The following SAXO2 variants were observed in gnomAD, a reference collection of about 807,000 sequenced individuals.
SAXO2 encodes stabilizer of axonemal microtubules 2.
SAXO2 carries 17 observed loss-of-function variants against 18.7 expected under a neutral mutation model. The ratio of observed to expected loss-of-function variants is 0.91; its 90% confidence interval spans 0.62 to 1.36. SAXO2 has a LOEUF of 1.36. Among genes scored for constraint, SAXO2 ranks in the 40% most tolerant of loss-of-function variants. The pLI is 0.00. For synonymous variants in SAXO2, 163 were observed against 181.2 expected (o/e 0.90, Z 0.81); for missense variants, 486 against 562.6 (o/e 0.86, Z 1.38).
Position 82,271,599 on chromosome 15 carries a change from T to G in SAXO2, c.234-4T>G, listed in dbSNP as rs1197041444. On this transcript the variant is annotated splice_polypyrimidine_tract_variant and splice_region_variant and intron_variant, in intron 2 of 3. Transcript: ENST00000682753. ...AGGCTATGTTTCAAATTTATATATTTCAGGTCGGATTATTGTCCTTATGAA... is the reference window on the plus strand; with the variant it reads ...AGGCTATGTTTCAAATTTATATATTGCAGGTCGGATTATTGTCCTTATGAA... The G allele has an allele frequency of 6.2e-7, 1 of 1,601,736 alleles. No individual in the cohort carries two copies. The highest frequency in any genetic ancestry group is 1.3e-5 in the African/African-American group (1 of 74,328).
chr15:82,273,171 G>T (rs1193932673), intron 3 of SAXO2, among the ~76,000 whole-genome samples: 4 of 152,032 alleles, frequency 2.6e-5, no homozygotes, highest in Non-Finnish European at 5.9e-5. Flanking sequence ...CTCCCAAACT[G>T]CTGGGATTAC....
At chr15:82,271,886 G>A in intron 3 of SAXO2, 84 bp downstream of exon 3, 1 of 1,212,020 alleles carries the variant, frequency 8.3e-7, no homozygotes, top group Non-Finnish European at 1.2e-6. Flanking sequence ...TTATAACTTT[G>A]GTGTGCTGCC....
rs570977928 is a variant in SAXO2, at chr15:82,272,699, G to A, written c.433+897G>A. Among the ~76,000 whole-genome samples the A allele has an allele frequency of 3.3e-5, 5 of 151,850 alleles. No homozygotes were observed. The East Asian group carries it at 5.8e-4, about 18-fold the overall frequency. On this transcript the variant is annotated intron_variant, in intron 3 of 3. Transcript: ENST00000682753. ...TGGGATTACAGGTGCACACCACCAC[G>A]CCCAGCTAATTTTTTGTATTTTTAG...
chr15:82,262,925 A>T lies in SAXO2; in HGVS notation c.46A>T (p.Ser16Cys). The T allele has an allele frequency of 6.2e-7, 1 of 1,604,458 alleles. No homozygotes were observed. Among genetic ancestry groups the T allele is most frequent in the Non-Finnish European group, 8.5e-7 (1 of 1,175,472 alleles). ...MRSWCLCQIC[S>C]CGRHHCPRGT... Reference sequence around the variant, plus strand: ...GAGCTGGTGTCTGTGTCAGATTTGTAGCTGCGGGTAAGAAACGGCTGGTGT... The same window carrying T: ...GAGCTGGTGTCTGTGTCAGATTTGTTGCTGCGGGTAAGAAACGGCTGGTGT... Residue 16 changes from serine (S) to cysteine (C), a missense_variant, in exon 1 of 4, where the codon AGC (serine) becomes TGC (cysteine). Ser to Cys is a moderately radical substitution (Grantham distance 112, BLOSUM62 -1). Coordinates refer to ENST00000682753, the MANE Select transcript of SAXO2 (RefSeq NM_001348699.2).
At chr15:82,264,469 C>T (rs1271076793) in intron 1 of SAXO2, among the ~76,000 whole-genome samples, 1 of 151,862 alleles carries the variant, frequency 6.6e-6, no homozygotes, top group Admixed American at 6.6e-5. Context: ...AATGATCATG[C>T]ATAAAGACCA....
intron 3 of SAXO2, among the ~76,000 whole-genome samples, chr15:82,278,115 G>C (rs1480231162): frequency 6.6e-6 from 1 of 152,146 alleles, no homozygotes; most frequent in East Asian, 1.9e-4. Context: ...ACAACCCCAA[G>C]GAATAGGTGA....
intron 3 of SAXO2, among the ~76,000 whole-genome samples, chr15:82,272,528 T>TTTG (rs566732180): frequency 3.4e-4 from 51 of 152,166 alleles, no homozygotes; most frequent in African/African-American, 9.4e-4. Flanking sequence ...AACCTGTTTT[T>TTTG]TTGTTGTTGT....
intron 1 of SAXO2, among the ~76,000 whole-genome samples, chr15:82,264,157 G>A (rs530806277): frequency 4.2e-5 from 6 of 141,588 alleles, no homozygotes; most frequent in East Asian, 2.2e-4. Flanking sequence ...TGCAATCTCC[G>A]CCTCCCGGGT....
intron 2 of SAXO2, among the ~76,000 whole-genome samples, chr15:82,270,503 T>C (rs572864773): frequency 8.9e-4 from 136 of 152,234 alleles, no homozygotes; most frequent in African/African-American, 2.6e-3. Flanking sequence ...TGGATTGAAG[T>C]GGGTGAGAAA....
At position 82,265,132 on chromosome 15, in the gene SAXO2, T is replaced by G. The variant is rs184874445; in HGVS notation, c.54-437T>G. 6.6e-3 allele frequency among the ~76,000 whole-genome samples: 1,011 copies of G among 152,232 alleles called. 11 individuals are homozygous for G. The highest frequency in any genetic ancestry group is 0.023 in the African/African-American group (945 of 41,542). On this transcript the variant is annotated intron_variant, in intron 1 of 3. Coordinates refer to ENST00000682753, the MANE Select transcript of SAXO2 (RefSeq NM_001348699.2). ...ACACCATTACAGAGGAAACAGTTTT[T>G]GGGGGTTTTTTTGTTTTTAGTTTTT...
intron 1 of SAXO2, chr15:82,263,306 A>AGT (rs1015330033): frequency 1.7e-6 from 2 of 1,179,036 alleles, no homozygotes; most frequent in African/African-American, 3.0e-5. Context: ...GAGAAAGAAC[A>AGT]GTGCTCAAGG....
chr15:82,282,456 ACT>A lies in SAXO2; in HGVS notation c.774_775del (p.Cys259GlnfsTer14), dbSNP rs1202096343. The A allele has an allele frequency of 6.2e-7, 1 of 1,613,902 alleles. No homozygotes were observed. Among genetic ancestry groups the A allele is most frequent in the East Asian group, 2.2e-5 (1 of 44,880 alleles). On this transcript the variant is annotated frameshift_variant, in exon 4 of 4. Transcript: ENST00000682753. LOFTEE classifies it low-confidence loss of function (END_TRUNC). ...AGGGTCTCATTGGTGAAACTGCAAA[ACT>A]CTGCAGACCTGTACACACCAGAGTG... ...FQGLIGETAK[L>X]CRPVHTRVTQ...
In SAXO2 at chr15:82,283,110, C is replaced by A; in HGVS notation, c.*48C>A. 1 of 1,288,748 alleles carries A rather than the reference C, an allele frequency of 7.8e-7. No individual in the cohort carries two copies. Among genetic ancestry groups the A allele is most frequent in the Non-Finnish European group, 1.0e-6 (1 of 992,796 alleles). The allele number at this position is 1,288,748 out of a possible 1,614,324, so 79.8% of individuals were successfully genotyped here. ...AAGGTACTAGCAAGTTGTTGTTTTT[C>A]CAAGAGAAAACTCAATTTTTATAGT... On this transcript the variant is annotated 3_prime_UTR_variant, in exon 4 of 4. Coordinates refer to ENST00000682753, the MANE Select transcript of SAXO2 (RefSeq NM_001348699.2).
intron 3 of SAXO2, among the ~76,000 whole-genome samples, chr15:82,281,431 T>C (rs1439091426): frequency 6.6e-6 from 1 of 152,020 alleles, no homozygotes. Flanking sequence ...CAAACACCTC[T>C]GAAGACATTC....
Position 82,284,089 on chromosome 15 carries a change from T to C in SAXO2, c.*1027T>C, listed in dbSNP as rs2075390917. ...GTCTGTTCTCAAAAAGAGTTTGTTT[T>C]GAGCATCAGACTGTATGGTACATTT... On this transcript the variant is annotated 3_prime_UTR_variant, in exon 4 of 4. Coordinates refer to ENST00000682753, the MANE Select transcript of SAXO2 (RefSeq NM_001348699.2). 6.6e-6 allele frequency: 1 copy of C among 152,258 alleles called. No individual in the cohort carries two copies. The highest frequency in any genetic ancestry group is 1.5e-5 in the Non-Finnish European group (1 of 68,040). The allele number at this position is 152,258 out of a possible 1,614,324, so 9.4% of individuals were successfully genotyped here.
Position 82,283,170 on chromosome 15 carries a change from AT to A in SAXO2, c.*113del. The A allele has an allele frequency of 2.8e-6, 2 of 726,958 alleles. No individual in the cohort carries two copies. Among genetic ancestry groups the A allele is most frequent in the Non-Finnish European group, 3.9e-6 (2 of 511,126 alleles). The allele number at this position is 726,958 out of a possible 1,614,324, so 45.0% of individuals were successfully genotyped here. Reference sequence around the variant, plus strand: ...TATGATATAATAAATCATTTTTTATATTTTTAAACAAGAAAATTGGAAAATA... The same window carrying A: ...TATGATATAATAAATCATTTTTTATATTTTAAACAAGAAAATTGGAAAATA... On this transcript the variant is annotated 3_prime_UTR_variant, in exon 4 of 4. Transcript: ENST00000682753.
intron 3 of SAXO2, among the ~76,000 whole-genome samples, chr15:82,280,670 G>T (rs1056255119): frequency 6.6e-6 from 1 of 151,958 alleles, no homozygotes; most frequent in African/African-American, 2.4e-5. Flanking sequence ...TTTACTAACT[G>T]GCCACCTCTG....
In SAXO2 at chr15:82,283,823, C is replaced by T. The variant is rs1055557095; in HGVS notation, c.*761C>T. 12 of 152,206 alleles carry T rather than the reference C, an allele frequency of 7.9e-5. No individual in the cohort carries two copies. Among genetic ancestry groups the T allele is most frequent in the African/African-American group, 2.9e-4 (12 of 41,422 alleles). The allele number at this position is 152,206 out of a possible 1,614,324, so 9.4% of individuals were successfully genotyped here. On this transcript the variant is annotated 3_prime_UTR_variant, in exon 4 of 4. Transcript: ENST00000682753. ...GGGACTACAAGGGTGTGCCACCACACCTGGCTATTTTTTTTAAACATACTT... is the reference window on the plus strand; with the variant it reads ...GGGACTACAAGGGTGTGCCACCACATCTGGCTATTTTTTTTAAACATACTT...
intron 2 of SAXO2, among the ~76,000 whole-genome samples, chr15:82,270,369 A>G (rs924219991): frequency 1.3e-5 from 2 of 152,184 alleles, no homozygotes; most frequent in Non-Finnish European, 2.9e-5. Context: ...AATAATGTCA[A>G]TTACTGTTGG....
Sources: gnomAD v4.1 joint callset for allele counts (sites outside exome capture counted in the v4.1 genomes callset) on GRCh38, gnomAD v4.1.1 for gene constraint, MANE v1.5 for transcripts, NCBI Gene and HGNC (gene_info 2026-07-23, HGNC 2026-07-21) for gene names.